The following PDE6D variants were observed in gnomAD, a reference collection of about 807,000 sequenced individuals.
The protein encoded by PDE6D is retinal rod rhodopsin-sensitive cGMP 3',5'-cyclic phosphodiesterase subunit delta.
Under a neutral mutation model 21.9 loss-of-function variants are expected in PDE6D, and 10 were observed. That is an observed-to-expected ratio of 0.46 (90% CI 0.28 to 0.78). PDE6D has a LOEUF of 0.78. Among genes scored for constraint, PDE6D ranks in the 30% least tolerant of loss-of-function variants. PDE6D has a pLI of 0.12. For synonymous variants in PDE6D, 59 were observed against 63.5 expected (o/e 0.93, Z 0.34); for missense variants, 139 against 184.8 (o/e 0.75, Z 1.44).
At chr2:231,753,483 G>A (rs1421693522) in intron 1 of PDE6D, among the ~76,000 whole-genome samples, 1 of 151,988 alleles carries the variant, frequency 6.6e-6, no homozygotes, top group African/African-American at 2.4e-5. Flanking sequence ...CCTGGGAGGC[G>A]GAGCTTGCAG....
chr2:231,764,293 T>C (rs1230578340), intron 1 of PDE6D, among the ~76,000 whole-genome samples: 1 of 152,096 alleles, frequency 6.6e-6, no homozygotes, highest in Non-Finnish European at 1.5e-5. Flanking sequence ...GGTGTGTGCC[T>C]TTAATCCCAG....
Position 231,739,294 on chromosome 2 carries a change from A to C in PDE6D, c.51-106T>G, listed in dbSNP as rs776695627. 8 of 792,686 alleles carry C rather than the reference A, an allele frequency of 1.0e-5. No homozygotes were observed. The highest frequency in any genetic ancestry group is 1.1e-5 in the Non-Finnish European group (5 of 439,864). The allele number at this position is 792,686 out of a possible 1,614,324, so 49.1% of individuals were successfully genotyped here. Reference sequence around the variant, plus strand: ...ACCAACTCTTGTTTACTTTTTAAAAAGTTTGTCAAACTGCTCATTGCCATG... The same window carrying C: ...ACCAACTCTTGTTTACTTTTTAAAACGTTTGTCAAACTGCTCATTGCCATG... On this transcript the variant is annotated intron_variant, in intron 1 of 4. Coordinates refer to ENST00000287600, the MANE Select transcript of PDE6D (RefSeq NM_002601.4). This position sits in a 1 kb window ranked among gnomAD's most constrained non-coding sequence, Gnocchi z 4.2.
chr2:231,759,265 G>A (rs2048907273), intron 1 of PDE6D, among the ~76,000 whole-genome samples: 1 of 152,098 alleles, frequency 6.6e-6, no homozygotes, highest in Admixed American at 6.6e-5. Flanking sequence ...GCAGTGAGCT[G>A]TGTTCATGCC....
At chr2:231,750,869 G>T (rs977188657) in intron 1 of PDE6D, among the ~76,000 whole-genome samples, 5 of 151,700 alleles carry the variant, frequency 3.3e-5, no homozygotes, top group Admixed American at 2.6e-4. Flanking sequence ...TATATTCAGG[G>T]TTACCTTGTA....
intron 1 of PDE6D, among the ~76,000 whole-genome samples, chr2:231,769,543 G>C (rs1342998570): frequency 7.9e-5 from 12 of 151,164 alleles, no homozygotes; most frequent in Non-Finnish European, 4.4e-5. Context: ...CACACACACA[G>C]AGATATGTAT....
At position 231,745,318 on chromosome 2, in the gene PDE6D, T is replaced by C. The variant is rs373380214; in HGVS notation, c.51-6130A>G. ...TGGTCATCATCTGGCTAAAAACATA[T>C]TTGTTTTAACAGCTTACTGCTAACC... is the stretch of plus-strand genomic sequence containing the variant. On this transcript the variant is annotated intron_variant, in intron 1 of 4. Coordinates refer to ENST00000287600, the MANE Select transcript of PDE6D (RefSeq NM_002601.4). 3.9e-5 allele frequency among the ~76,000 whole-genome samples: 6 copies of C among 152,228 alleles called. No individual in the cohort carries two copies. In the East Asian group the frequency reaches 9.6e-4, roughly 24 times the overall value.
chr2:231,764,841 G>C (rs2048957457), intron 1 of PDE6D, among the ~76,000 whole-genome samples: 1 of 152,160 alleles, frequency 6.6e-6, no homozygotes, highest in Non-Finnish European at 1.5e-5. Context: ...TCTTCTCAGT[G>C]CTCAGCATGT....
rs2048718724 is a variant in PDE6D, at chr2:231,738,144, A to G, written c.140-6T>C. 3 of 1,609,012 alleles carry G rather than the reference A, an allele frequency of 1.9e-6. No individual in the cohort carries two copies. Among genetic ancestry groups the G allele is most frequent in the Middle Eastern group, 1.8e-4 (1 of 5,548 alleles). The stretch of plus-strand genomic sequence containing the variant: ...GATTTTCTTGGGAACACGGGCTGGT[A>G]AGAGAAAAACAAATGTTGAAGCCTT... On this transcript the variant is annotated splice_polypyrimidine_tract_variant and splice_region_variant and intron_variant, in intron 2 of 4. Transcript: ENST00000287600.
intron 1 of PDE6D, among the ~76,000 whole-genome samples, chr2:231,761,275 C>T (rs2048923600): frequency 6.6e-6 from 1 of 152,016 alleles, no homozygotes; most frequent in South Asian, 2.1e-4. Context: ...CCCAGGTTCA[C>T]GCCATTCTCC....
At chr2:231,756,369 T>C (rs1380359429) in intron 1 of PDE6D, among the ~76,000 whole-genome samples, 1 of 152,216 alleles carries the variant, frequency 6.6e-6, no homozygotes, top group East Asian at 1.9e-4. Context: ...AATGTACATA[T>C]TAATGCAGAG....
At position 231,781,089 on chromosome 2, in the gene PDE6D, C is replaced by G. The variant is rs1436844035; in HGVS notation, c.26G>C (p.Arg9Thr). The G allele has an allele frequency of 6.2e-7, 1 of 1,613,544 alleles. No individual in the cohort carries two copies. Among genetic ancestry groups the G allele is most frequent in the East Asian group, 2.2e-5 (1 of 44,816 alleles). Reference sequence around the variant, plus strand: ...CAGTTTGAAGCCCCTCAGGATCTCCCTGGCCCGCTCGTCCTTGGCTGACAT... The same window carrying G: ...CAGTTTGAAGCCCCTCAGGATCTCCGTGGCCCGCTCGTCCTTGGCTGACAT... MSAKDERA[R>T]EILRGFKLNW... Residue 9 changes from arginine (R) to threonine (T), a missense_variant, in exon 1 of 5, where the codon AGG becomes ACG. Coordinates refer to ENST00000287600, the MANE Select transcript of PDE6D (RefSeq NM_002601.4).
At chr2:231,770,953 C>CAA (rs748582712) in intron 1 of PDE6D, among the ~76,000 whole-genome samples, 1,594 of 129,706 alleles carry the variant, frequency 0.012, 23 homozygotes, top group African/African-American at 0.038. Flanking sequence ...GACTTCATTT[C>CAA]AAAAAAAAAA....
At chr2:231,761,342 AT>A (rs918024878) in intron 1 of PDE6D, among the ~76,000 whole-genome samples, 1 of 151,362 alleles carries the variant, frequency 6.6e-6, no homozygotes, top group African/African-American at 2.4e-5. Flanking sequence ...CGCCCGGCTA[AT>A]TTTTTTGTAT....
chr2:231,763,536 T>C (rs879908730), intron 1 of PDE6D, among the ~76,000 whole-genome samples: 9 of 152,226 alleles, frequency 5.9e-5, no homozygotes, highest in Non-Finnish European at 1.3e-4. Flanking sequence ...GTGACATGTG[T>C]TTAAAATTTT....
At chr2:231,733,706 C>G (rs1480516074) in intron 4 of PDE6D, among the ~76,000 whole-genome samples, 3 of 152,196 alleles carry the variant, frequency 2.0e-5, no homozygotes, top group Non-Finnish European at 2.9e-5. Context: ...CAGCTCTCCC[C>G]CTTAGTCTTT....
At chr2:231,743,628 CCTT>C (rs1224991030) in intron 1 of PDE6D, among the ~76,000 whole-genome samples, 1 of 152,064 alleles carries the variant, frequency 6.6e-6, no homozygotes, top group African/African-American at 2.4e-5. Flanking sequence ...AACAAACTCT[CCTT>C]CTATGCTCAA....
At chr2:231,747,327 G>A (rs2048802115) in intron 1 of PDE6D, among the ~76,000 whole-genome samples, 1 of 152,208 alleles carries the variant, frequency 6.6e-6, no homozygotes, top group Non-Finnish European at 1.5e-5. Context: ...CTGACCTCAG[G>A]TGATCCGCCT....
At chr2:231,755,640 G>T (rs769077891) in intron 1 of PDE6D, among the ~76,000 whole-genome samples, 1 of 152,012 alleles carries the variant, frequency 6.6e-6, no homozygotes, top group Non-Finnish European at 1.5e-5. Context: ...AAAAAAGTTG[G>T]CTGGGCACGG....
chr2:231,769,291 G>A (rs2048996839), intron 1 of PDE6D, among the ~76,000 whole-genome samples: 2 of 152,208 alleles, frequency 1.3e-5, no homozygotes, highest in African/African-American at 4.8e-5. Context: ...AGCTTTTCTG[G>A]TTCCTTTGTC....
Sources: gnomAD v4.1 joint callset for allele counts (sites outside exome capture counted in the v4.1 genomes callset) on GRCh38, gnomAD v4.1.1 for gene constraint, Gnocchi (gnomAD v3.1) non-coding constraint, MANE v1.5 for transcripts, NCBI Gene and HGNC (gene_info 2026-07-23, HGNC 2026-07-21) for gene names.